The following MCC variants were observed in gnomAD, a reference collection of about 807,000 sequenced individuals.
MCC encodes the protein MCC regulator of Wnt signaling pathway.
In MCC, 90 loss-of-function variants were observed where a neutral mutation model predicts 116.2. The observed-to-expected ratio is 0.77, with a 90% CI of 0.65 to 0.92. The LOEUF is 0.92. Among genes scored for constraint, MCC ranks in the 40% least tolerant of loss-of-function variants. The pLI is 0.00. For synonymous variants in MCC, 578 were observed against 510.5 expected, an observed-to-expected ratio of 1.13 and a Z score of -1.78; for missense variants, 1,516 against 1,312.2, an observed-to-expected ratio of 1.16 and a Z score of -2.40.
chr5:113,379,250 A>C (rs772300485), intron 2 of MCC, among the ~76,000 whole-genome samples: 3 of 152,216 alleles, frequency 2.0e-5, no homozygotes, highest in Non-Finnish European at 4.4e-5. Context: ...AGTGTTCTCT[A>C]TTCCTTACTT....
chr5:113,458,266 A>T (rs1771636132), intron 1 of MCC, among the ~76,000 whole-genome samples: 1 of 152,092 alleles, frequency 6.6e-6, no homozygotes, highest in South Asian at 2.1e-4. Flanking sequence ...GAAGGTCTGC[A>T]GCTTCACTCC....
chr5:113,461,932 T>C (rs1043343070), intron 1 of MCC, among the ~76,000 whole-genome samples: 11 of 152,092 alleles, frequency 7.2e-5, no homozygotes, highest in Non-Finnish European at 8.8e-5. Context: ...ATTTGCTAAA[T>C]AGAGGACACA....
chr5:113,355,077 C>T (rs1209069884), intron 2 of MCC, among the ~76,000 whole-genome samples: 1 of 151,698 alleles, frequency 6.6e-6, no homozygotes, highest in Non-Finnish European at 1.5e-5. Context: ...AAAATAGTGG[C>T]ATAAGAAAAA....
intron 2 of MCC, among the ~76,000 whole-genome samples, chr5:113,346,155 G>T (rs1276695383): frequency 6.6e-6 from 1 of 152,072 alleles, no homozygotes. Flanking sequence ...TTGGAGAGGG[G>T]TGACACAAGC....
chr5:113,425,866 G>A (rs1299249292), intron 1 of MCC, among the ~76,000 whole-genome samples: 1 of 151,980 alleles, frequency 6.6e-6, no homozygotes, highest in African/African-American at 2.4e-5. Flanking sequence ...TGGTGGAAGT[G>A]GATGGAGGGA....
intron 1 of MCC, among the ~76,000 whole-genome samples, chr5:113,395,136 A>G (rs1248077822): frequency 6.6e-6 from 1 of 152,238 alleles, no homozygotes; most frequent in East Asian, 1.9e-4. Flanking sequence ...AAATAAATGC[A>G]TAACAAATAA....
chr5:113,292,722 C>G (rs1260636178), intron 3 of MCC, among the ~76,000 whole-genome samples: 1 of 152,094 alleles, frequency 6.6e-6, no homozygotes, highest in East Asian at 1.9e-4. Context: ...CCTAAGTCTG[C>G]GATTCATTTA....
chr5:113,043,638 C>G lies in MCC; in HGVS notation c.2656-8G>C, dbSNP rs1021602470. 1 of 1,598,974 alleles carries G rather than the reference C, an allele frequency of 6.3e-7. No homozygotes were observed. Among genetic ancestry groups the G allele is most frequent in the Non-Finnish European group, 8.6e-7 (1 of 1,166,598 alleles). ...GGCAGCATCAGCACACTCCTGACAA[C>G]AGCAAACACATTCCAGTTAGGCCTG... On this transcript the variant is annotated splice_region_variant and splice_polypyrimidine_tract_variant and intron_variant, in intron 16 of 18. Coordinates refer to ENST00000408903, the MANE Select transcript of MCC (RefSeq NM_001085377.2).
intron 3 of MCC, among the ~76,000 whole-genome samples, chr5:113,214,276 A>G (rs1763232694): frequency 6.6e-6 from 1 of 152,050 alleles, no homozygotes; most frequent in Non-Finnish European, 1.5e-5. Context: ...CCACTCAACC[A>G]CCAGGCCACA....
At chr5:113,461,312 A>C (rs1330229601) in intron 1 of MCC, among the ~76,000 whole-genome samples, 6 of 152,334 alleles carry the variant, frequency 3.9e-5, no homozygotes, top group Admixed American at 2.6e-4. Flanking sequence ...TTTACTCCTA[A>C]GAACAGCCCC....
chr5:113,482,961 T>A (rs929187998), intron 1 of MCC, among the ~76,000 whole-genome samples: 4 of 152,190 alleles, frequency 2.6e-5, no homozygotes, highest in Non-Finnish European at 5.9e-5. Flanking sequence ...CTTCATTCTT[T>A]TATATGTGAC....
chr5:113,290,203 T>A (rs530325599), intron 3 of MCC, among the ~76,000 whole-genome samples: 43 of 152,240 alleles, frequency 2.8e-4, no homozygotes, highest in African/African-American at 9.9e-4. Flanking sequence ...GCATGGAGAG[T>A]TGCCTCTATG....
rs529840597 is a variant in MCC at position 113,075,339 on chromosome 5, G to A, written c.1785-4105C>T. On this transcript the variant is annotated intron_variant, in intron 11 of 18. Transcript: ENST00000408903. ...CCCCTCACCCCCTGTGGGTTCCCGT[G>A]CATCCCAAGCCTCCCCGATGGGTGC... Among the ~76,000 whole-genome samples the A allele has an allele frequency of 2.4e-3, 367 of 152,230 alleles. 2 individuals carry two copies. Among genetic ancestry groups the A allele is most frequent in the African/African-American group, 8.5e-3 (352 of 41,538 alleles).
At chr5:113,392,493 T>C (rs1310076984) in intron 1 of MCC, among the ~76,000 whole-genome samples, 2 of 151,202 alleles carry the variant, frequency 1.3e-5, no homozygotes, top group East Asian at 3.9e-4. Flanking sequence ...TACCACCTCT[T>C]GAGAGGACTT....
intron 1 of MCC, among the ~76,000 whole-genome samples, chr5:113,457,324 C>G (rs1771597365): frequency 6.6e-6 from 1 of 152,234 alleles, no homozygotes; most frequent in South Asian, 2.1e-4. Flanking sequence ...GGTCCCCCAG[C>G]AGTGCCAGCC....
chr5:113,074,262 C>A (rs940022608), intron 11 of MCC, among the ~76,000 whole-genome samples: 8 of 152,214 alleles, frequency 5.3e-5, no homozygotes, highest in African/African-American at 1.7e-4. Context: ...GATACCCACA[C>A]AAACAGGGTC....
At chr5:113,196,889 T>C (rs1469458520) in intron 3 of MCC, among the ~76,000 whole-genome samples, 1 of 152,188 alleles carries the variant, frequency 6.6e-6, no homozygotes, top group African/African-American at 2.4e-5. Context: ...CTGCAGGTTC[T>C]GGCTGAGTTT....
chr5:113,060,335 A>G (rs927757249), intron 14 of MCC, among the ~76,000 whole-genome samples: 1 of 152,100 alleles, frequency 6.6e-6, no homozygotes, highest in South Asian at 2.1e-4. Flanking sequence ...TTGTATTTTT[A>G]ATAGCAACAG....
At chr5:113,215,511 G>A (rs1057149723) in intron 3 of MCC, among the ~76,000 whole-genome samples, 6 of 152,086 alleles carry the variant, frequency 3.9e-5, no homozygotes, top group Non-Finnish European at 2.9e-5. Context: ...TAGGTTATGA[G>A]GGCTTTTGCC....
Sources: gnomAD v4.1 joint callset for allele counts (sites outside exome capture counted in the v4.1 genomes callset) on GRCh38, gnomAD v4.1.1 for gene constraint, MANE v1.5 for transcripts, NCBI Gene and HGNC (gene_info 2026-07-23, HGNC 2026-07-21) for gene names.